The following RBKS variants were observed in gnomAD, a reference collection of about 807,000 sequenced individuals.
The protein encoded by RBKS is ribokinase.
A neutral mutation model predicts 33.9 loss-of-function variants in RBKS; 33 were observed. The observed-to-expected ratio is 0.97, with a 90% CI of 0.74 to 1.30. RBKS has a LOEUF of 1.30. Ranked by LOEUF, RBKS falls within the 50% of genes most tolerant of loss-of-function variation. RBKS has a pLI of 0.00. For missense variants in RBKS, 361 were observed against 392.6 expected (o/e 0.92, Z 0.68); for synonymous variants, 125 against 143.0 (o/e 0.87, Z 0.90).
At chr2:27,844,357 G>T (rs1339741465) in intron 4 of RBKS, among the ~76,000 whole-genome samples, 1 of 151,488 alleles carries the variant, frequency 6.6e-6, no homozygotes, top group Non-Finnish European at 1.5e-5. Context: ...AGGAAATAAG[G>T]TAAAATATCC....
intron 7 of RBKS, among the ~76,000 whole-genome samples, chr2:27,808,339 T>C (rs1244260293): frequency 2.6e-5 from 4 of 152,236 alleles, no homozygotes; most frequent in African/African-American, 7.2e-5. Flanking sequence ...TCTTCCTTTA[T>C]TGGTACCCTA....
At chr2:27,885,089 C>T (rs1161935214) in intron 1 of RBKS, among the ~76,000 whole-genome samples, 2 of 152,016 alleles carry the variant, frequency 1.3e-5, no homozygotes, top group Admixed American at 1.3e-4. Flanking sequence ...TACCTCAACC[C>T]TCCCAATTCC....
At chr2:27,802,286 C>T (rs1048768912) in intron 7 of RBKS, among the ~76,000 whole-genome samples, 13 of 151,822 alleles carry the variant, frequency 8.6e-5, no homozygotes, top group Non-Finnish European at 1.6e-4. Flanking sequence ...CTGGGGATTA[C>T]AATTCAACAT....
At chr2:27,806,135 C>T (rs921155964) in intron 7 of RBKS, among the ~76,000 whole-genome samples, 24 of 151,566 alleles carry the variant, frequency 1.6e-4, no homozygotes, top group South Asian at 4.2e-4. Context: ...TCGCCCGCCT[C>T]GGCCTCCCAA....
chr2:27,830,048 G>T (rs1413583482), intron 6 of RBKS, among the ~76,000 whole-genome samples: 1 of 152,120 alleles, frequency 6.6e-6, no homozygotes, highest in Admixed American at 6.5e-5. Context: ...CCTGTTTCTG[G>T]GGCTAGTGTA....
intron 7 of RBKS, among the ~76,000 whole-genome samples, chr2:27,806,642 G>C (rs1378472991): frequency 6.6e-6 from 1 of 152,172 alleles, no homozygotes; most frequent in East Asian, 1.9e-4. Flanking sequence ...CAGTCCTCTG[G>C]GGAGGCCATA....
intron 1 of RBKS, among the ~76,000 whole-genome samples, chr2:27,882,313 A>G (rs1215180955): frequency 1.3e-5 from 2 of 152,222 alleles, no homozygotes; most frequent in Non-Finnish European, 2.9e-5. Flanking sequence ...ATTTGCAATA[A>G]GCATATCAAA....
intron 7 of RBKS, among the ~76,000 whole-genome samples, chr2:27,791,646 A>AATATACATATACATATAC (rs66685463): frequency 3.1e-3 from 433 of 140,980 alleles, no homozygotes; most frequent in African/African-American, 6.3e-3. Context: ...ACACACACTA[A>AATATACATATACATATAC]ATATACATAT....
intron 1 of RBKS, among the ~76,000 whole-genome samples, chr2:27,888,693 T>C (rs1664608916): frequency 6.6e-6 from 1 of 152,208 alleles, no homozygotes; most frequent in African/African-American, 2.4e-5. Context: ...AACACAGTAA[T>C]GTTCTTTCTA....
rs529899036 is a variant in RBKS at position 27,810,182 on chromosome 2, G to C, written c.795+17385C>G. 1 of 1,122,164 alleles carries C rather than the reference G, an allele frequency of 8.9e-7. No homozygotes were observed. The highest frequency in any genetic ancestry group is 1.2e-6 in the Non-Finnish European group (1 of 863,850). 69.5% of individuals were successfully genotyped at this position (1,122,164 alleles called of 1,614,324 possible). On this transcript the variant is annotated intron_variant, in intron 7 of 7. Transcript: ENST00000302188. The surrounding 1 kb of genome is among the most constrained non-coding windows in gnomAD (Gnocchi z 4.4). ...ATATTTGTCTACACAACCCAAATTC[G>C]TCATATACTGGCTGATTTGTCACTT...
At chr2:27,826,530 C>A (rs1241326667) in intron 7 of RBKS, among the ~76,000 whole-genome samples, 1 of 151,878 alleles carries the variant, frequency 6.6e-6, no homozygotes, top group Non-Finnish European at 1.5e-5. Flanking sequence ...TGCCTCAGCC[C>A]CCCAAGTAGC....
chr2:27,844,286 G>A (rs963962849), intron 4 of RBKS, among the ~76,000 whole-genome samples: 1 of 146,412 alleles, frequency 6.8e-6, no homozygotes, highest in Non-Finnish European at 1.5e-5. Flanking sequence ...AAAAAGAAAT[G>A]TGGCTAGTCC....
chr2:27,858,031 A>G (rs1157838549), intron 2 of RBKS, among the ~76,000 whole-genome samples: 1 of 152,240 alleles, frequency 6.6e-6, no homozygotes, highest in Non-Finnish European at 1.5e-5. Flanking sequence ...ATTCAACCAC[A>G]AAAAGGAAGG....
chr2:27,786,945 C>G (rs1224064934), intron 7 of RBKS, among the ~76,000 whole-genome samples: 1 of 152,214 alleles, frequency 6.6e-6, no homozygotes, highest in African/African-American at 2.4e-5. Flanking sequence ...ACGATTCTCA[C>G]AACTTGATTA....
Position 27,843,050 on chromosome 2 carries a change from C to A in RBKS, c.514+17G>T. On this transcript the variant is annotated intron_variant, in intron 5 of 7. Transcript: ENST00000302188. ...ATAAAAGCTTTTATAGAAAGAATGACAAATATGTATAATTACCTCCACTCC... is the reference window on the plus strand; with the variant it reads ...ATAAAAGCTTTTATAGAAAGAATGAAAAATATGTATAATTACCTCCACTCC... 1 of 1,533,694 alleles carries A rather than the reference C, an allele frequency of 6.5e-7. No individual in the cohort carries two copies. The highest frequency in any genetic ancestry group is 8.8e-7 in the Non-Finnish European group (1 of 1,137,524).
chr2:27,831,949 C>A (rs1678425491), intron 6 of RBKS, among the ~76,000 whole-genome samples: 2 of 152,146 alleles, frequency 1.3e-5, no homozygotes, highest in South Asian at 4.1e-4. Flanking sequence ...TATTATGGTT[C>A]ATTAATTTCT....
At position 27,858,719 on chromosome 2, in the gene RBKS, C is replaced by T; in HGVS notation, c.90-148G>A. The stretch of plus-strand genomic sequence containing the variant: ...GCAGAAGCAACGAAGATTATCTCTT[C>T]CTTTAGGATGACATTTAGTAGTTTG... On this transcript the variant is annotated intron_variant, in intron 1 of 7. Transcript: ENST00000302188. The T allele has an allele frequency of 3.0e-6, 2 of 675,648 alleles. 1 individual carries two copies. The highest frequency in any genetic ancestry group is 5.0e-6 in the Non-Finnish European group (2 of 402,512). The allele number at this position is 675,648 out of a possible 1,614,324, so 41.9% of individuals were successfully genotyped here. A position where few individuals can be genotyped will look rare whatever the true frequency, so the allele number is the denominator to read the frequency against.
At chr2:27,849,560 A>C (rs1409467674) in intron 2 of RBKS, among the ~76,000 whole-genome samples, 2 of 73,200 alleles carry the variant, frequency 2.7e-5, no homozygotes, top group Non-Finnish European at 2.4e-5. Context: ...ACTCTGTCTC[A>C]AAAAAAAAAA....
Position 27,795,671 on chromosome 2 carries a change from G to A in RBKS, c.796-13883C>T, listed in dbSNP as rs1418985345. On this transcript the variant is annotated intron_variant, in intron 7 of 7. Transcript: ENST00000302188. This position sits in a 1 kb window ranked among gnomAD's most constrained non-coding sequence, Gnocchi z 4.1. ...AGAGTCACAGAGCTGGTAAATGGCAGAGCTGCACTTTGTACCCAGACCCAG... is the reference window on the plus strand; with the variant it reads ...AGAGTCACAGAGCTGGTAAATGGCAAAGCTGCACTTTGTACCCAGACCCAG... Among the ~76,000 whole-genome samples, 1 of 152,172 alleles carries A rather than the reference G, an allele frequency of 6.6e-6. No individual in the cohort carries two copies. The highest frequency in any genetic ancestry group is 1.9e-4 in the East Asian group (1 of 5,194).
Sources: gnomAD v4.1 joint callset for allele counts (sites outside exome capture counted in the v4.1 genomes callset) on GRCh38, gnomAD v4.1.1 for gene constraint, Gnocchi (gnomAD v3.1) non-coding constraint, MANE v1.5 for transcripts, NCBI Gene and HGNC (gene_info 2026-07-23, HGNC 2026-07-21) for gene names.